ZHX3: variants seen among roughly 807,000 people sequenced by gnomAD.
The protein encoded by ZHX3 is zinc fingers and homeoboxes protein 3.
ZHX3 carries 20 observed loss-of-function variants against 64.5 expected under a neutral mutation model. The ratio of observed to expected loss-of-function variants is 0.31; its 90% CI spans 0.22 to 0.45. The LOEUF is 0.45. Among genes scored for constraint, ZHX3 ranks in the 20% least tolerant of loss-of-function variants. ZHX3 has a pLI of 1.00. For missense variants in ZHX3, 1,041 were observed against 1,195.8 expected, an observed-to-expected ratio of 0.87 and a Z score of 1.91; for synonymous variants, 423 against 461.6, an observed-to-expected ratio of 0.92 and a Z score of 1.07.
rs534046626 is a variant in ZHX3 at position 41,317,724 on chromosome 20, C to G, written c.-460G>C. 34 of 152,038 alleles carry G rather than the reference C, an allele frequency of 2.2e-4. 1 individual carries two copies. Among genetic ancestry groups the G allele is most frequent in the African/African-American group, 8.2e-4 (34 of 41,522 alleles). 9.4% of individuals were successfully genotyped at this position (152,038 alleles called of 1,614,324 possible). ...CTCGGCCGCTCTCGGAGGCGCTCGGCTCTGCTCGGCCTTGCACGGCTCCCC... is the reference window on the plus strand; with the variant it reads ...CTCGGCCGCTCTCGGAGGCGCTCGGGTCTGCTCGGCCTTGCACGGCTCCCC... On this transcript the variant is annotated 5_prime_UTR_variant, in exon 1 of 4. Coordinates refer to ENST00000683867, the MANE Select transcript of ZHX3 (RefSeq NM_001384317.1).
chr20:41,198,067 C>T (rs111286924), intron 3 of ZHX3, among the ~76,000 whole-genome samples: 3,145 of 139,786 alleles, frequency 0.022, 54 homozygotes, highest in Non-Finnish European at 0.037. Flanking sequence ...TACAGTGGTG[C>T]GATCTCGGCT....
At chr20:41,298,879 A>C (rs2044669527) in intron 1 of ZHX3, among the ~76,000 whole-genome samples, 1 of 152,188 alleles carries the variant, frequency 6.6e-6, no homozygotes, top group East Asian at 1.9e-4. Context: ...GGGAAAGACT[A>C]AGGAAGTCCA....
chr20:41,192,563 A>T (rs1378336073), intron 3 of ZHX3, among the ~76,000 whole-genome samples: 1 of 152,188 alleles, frequency 6.6e-6, no homozygotes, highest in Non-Finnish European at 1.5e-5. Flanking sequence ...GGTAGCTGGC[A>T]CCATAGTTGT....
chr20:41,197,648 T>C (rs2037851972), intron 3 of ZHX3, among the ~76,000 whole-genome samples: 4 of 152,008 alleles, frequency 2.6e-5, no homozygotes, highest in African/African-American at 9.6e-5. Context: ...AAGAGCTTAA[T>C]CCCTTTACAT....
chr20:41,211,350 C>G (rs1331337329), intron 2 of ZHX3, among the ~76,000 whole-genome samples: 8 of 151,976 alleles, frequency 5.3e-5, no homozygotes. Context: ...TATTCAAATT[C>G]TCAGTAAATA....
At chr20:41,220,959 G>A (rs1281194699) in intron 2 of ZHX3, among the ~76,000 whole-genome samples, 1 of 152,026 alleles carries the variant, frequency 6.6e-6, no homozygotes, top group East Asian at 1.9e-4. Context: ...AAAGTGCTGG[G>A]ATTACAGGCA....
At position 41,180,025 on chromosome 20, in the gene ZHX3, C is replaced by T. The variant is rs1268955241; in HGVS notation, c.*5166G>A. ...CTATTCATTAACACATACAGGTGCT[C>T]ATGTGTGTGTGTGCACGCGCACATG... On this transcript the variant is annotated 3_prime_UTR_variant, in exon 4 of 4. Coordinates refer to ENST00000683867, the MANE Select transcript of ZHX3 (RefSeq NM_001384317.1). The T allele has an allele frequency of 2.6e-5, 4 of 152,698 alleles. No individual in the cohort carries two copies. Among genetic ancestry groups the T allele is most frequent in the Non-Finnish European group, 5.9e-5 (4 of 68,056 alleles). 9.5% of individuals were successfully genotyped at this position (152,698 alleles called of 1,614,324 possible).
chr20:41,289,226 C>T (rs1173867112), intron 1 of ZHX3, among the ~76,000 whole-genome samples: 1 of 151,924 alleles, frequency 6.6e-6, no homozygotes, highest in African/African-American at 2.4e-5. Context: ...GGTCTCAACT[C>T]CTGGGCTCAA....
chr20:41,257,725 C>T (rs111510180), intron 2 of ZHX3, among the ~76,000 whole-genome samples: 10,081 of 142,508 alleles, frequency 0.071, 791 homozygotes, highest in African/African-American at 0.16. Flanking sequence ...AATTCTCCTG[C>T]CTCAGCCTCC....
At chr20:41,255,043 C>T (rs901446683) in intron 2 of ZHX3, among the ~76,000 whole-genome samples, 4 of 151,840 alleles carry the variant, frequency 2.6e-5, no homozygotes, top group Non-Finnish European at 2.9e-5. Flanking sequence ...GAAGAAAAAG[C>T]GTGTTAAAGG....
chr20:41,236,864 C>T (rs73611260), intron 2 of ZHX3, among the ~76,000 whole-genome samples: 1 of 151,980 alleles, frequency 6.6e-6, no homozygotes, highest in South Asian at 2.1e-4. Flanking sequence ...TGCAATCTAC[C>T]CATCTGACAA....
intron 1 of ZHX3, among the ~76,000 whole-genome samples, chr20:41,287,253 G>C (rs1600634575): frequency 6.6e-6 from 1 of 152,066 alleles, no homozygotes; most frequent in Non-Finnish European, 1.5e-5. Context: ...GGCCTCCCCT[G>C]ACTACACCAC....
chr20:41,188,953 T>C (rs1358000265), intron 3 of ZHX3, among the ~76,000 whole-genome samples: 1 of 152,230 alleles, frequency 6.6e-6, no homozygotes, highest in Non-Finnish European at 1.5e-5. Context: ...TGCACTGTTT[T>C]CTTCTAGTAG....
chr20:41,317,710 T>C lies in ZHX3; in HGVS notation c.-446A>G, dbSNP rs2045330527. The C allele has an allele frequency of 6.6e-6, 1 of 151,734 alleles. No individual in the cohort carries two copies. Among genetic ancestry groups the C allele is most frequent in the African/African-American group, 2.4e-5 (1 of 41,330 alleles). 9.4% of individuals were successfully genotyped at this position (151,734 alleles called of 1,614,324 possible). On this transcript the variant is annotated 5_prime_UTR_variant, in exon 1 of 4. Coordinates refer to ENST00000683867, the MANE Select transcript of ZHX3 (RefSeq NM_001384317.1). ...GCCGCTCGGCTGGGCTCGGCCGCTC[T>C]CGGAGGCGCTCGGCTCTGCTCGGCC... is the stretch of plus-strand genomic sequence containing the variant.
In ZHX3 at chr20:41,249,718, GTCTAAACCCATT is replaced by G. The variant is rs2041894600; in HGVS notation, c.-151+19260_-151+19271del. The stretch of plus-strand genomic sequence containing the variant: ...ACCCTGTCACCGTTCAGACAAGATG[GTCTAAACCCATT>G]TCTCTCCCCACCTCCTTGTAAGCAC... On this transcript the variant is annotated intron_variant, in intron 2 of 3. Coordinates refer to ENST00000683867, the MANE Select transcript of ZHX3 (RefSeq NM_001384317.1). Among the ~76,000 whole-genome samples, 3 of 152,296 alleles carry G rather than the reference GTCTAAACCCATT, an allele frequency of 2.0e-5. No individual in the cohort carries two copies. The South Asian group carries it at 6.2e-4, about 32-fold the overall frequency.
intron 1 of ZHX3, among the ~76,000 whole-genome samples, chr20:41,295,834 C>G (rs2044486147): frequency 1.4e-5 from 2 of 147,746 alleles, no homozygotes; most frequent in Admixed American, 6.8e-5. Context: ...CTGGGCGACA[C>G]AACGAGACTC....
At position 41,182,876 on chromosome 20, in the gene ZHX3, G is replaced by C. The variant is rs1234697498; in HGVS notation, c.*2315C>G. 6.6e-6 allele frequency: 1 copy of C among 152,252 alleles called. No individual in the cohort carries two copies. The highest frequency in any genetic ancestry group is 2.4e-5 in the African/African-American group (1 of 41,456). 9.4% of individuals were successfully genotyped at this position (152,252 alleles called of 1,614,324 possible). A position where few individuals can be genotyped will look rare whatever the true frequency, so the allele number is the denominator to read the frequency against. On this transcript the variant is annotated 3_prime_UTR_variant, in exon 4 of 4. Coordinates refer to ENST00000683867, the MANE Select transcript of ZHX3 (RefSeq NM_001384317.1). This position sits in a 1 kb window ranked among gnomAD's most constrained non-coding sequence, Gnocchi z 6.1. ...ACTTGTCCACCAACTGTGTTTTGCT[G>C]TTTGGGTTGTAAATTAACCGTGAAT...
At position 41,204,400 on chromosome 20, in the gene ZHX3, C is replaced by A; in HGVS notation, c.517G>T (p.Ala173Ser). Residue 173 changes from alanine (A) to serine (S), a missense_variant, in exon 3 of 4, where the codon GCT becomes TCT. This residue lies in a region of ZHX3 where 358 missense variants were observed against 369.1 expected (regional missense o/e 0.97). Transcript: ENST00000683867. The surrounding 1 kb of genome is among the most constrained non-coding windows in gnomAD (Gnocchi z 6.6). ...ATGATGATTTCTGCCTGTCCATCAG[C>A]CCCTTCAGCACTGGGCTCACCCGCT... ...DLAGEPSAEG[A>S]DGQAEIIITK... 3.1e-6 allele frequency: 5 copies of A among 1,614,176 alleles called. No homozygotes were observed. Among genetic ancestry groups the A allele is most frequent in the East Asian group, 2.2e-5 (1 of 44,880 alleles).
intron 1 of ZHX3, among the ~76,000 whole-genome samples, chr20:41,295,178 A>G (rs905332485): frequency 4.6e-5 from 7 of 152,130 alleles, no homozygotes; most frequent in African/African-American, 1.7e-4. Context: ...GAAGAACAAA[A>G]GAGGGAGGGG....
Sources: allele counts gnomAD v4.1 joint callset (sites outside exome capture counted in the v4.1 genomes callset), GRCh38; gene constraint gnomAD v4.1.1; regional missense constraint gnomAD v4.1.1; non-coding constraint Gnocchi (gnomAD v3.1); transcripts MANE v1.5; gene names NCBI Gene and HGNC (gene_info 2026-07-23, HGNC 2026-07-21).